Variants in SDHA observed in about 807,000 individuals in gnomAD.
SDHA encodes succinate dehydrogenase [ubiquinone] flavoprotein subunit, mitochondrial.
Under a neutral mutation model 78.4 loss-of-function variants are expected in SDHA, and 48 were observed. That is an observed-to-expected ratio of 0.61 (90% CI 0.49 to 0.78). SDHA has a LOEUF of 0.78. Among genes scored for constraint, SDHA ranks in the 30% least tolerant of loss-of-function variants. SDHA has a pLI of 0.00. For missense variants in SDHA, 680 were observed against 892.7 expected (o/e 0.76, Z 3.04); for synonymous variants, 326 against 353.9 (o/e 0.92, Z 0.88).
intron 11 of SDHA, among the ~76,000 whole-genome samples, chr5:247,908 A>C (rs149617113): frequency 0.015 from 2,333 of 152,362 alleles, 57 homozygotes; most frequent in African/African-American, 0.053. Flanking sequence ...AGTGGAAAGA[A>C]TGAATCTTTC....
At chr5:242,584 C>CTG (rs1049025555) in intron 11 of SDHA, among the ~76,000 whole-genome samples, 4 of 152,196 alleles carry the variant, frequency 2.6e-5, no homozygotes, top group Non-Finnish European at 4.4e-5. Context: ...CACTATATTT[C>CTG]TGTGTGTGTG....
chr5:251,339 A>T lies in SDHA; in HGVS notation c.1665A>T (p.Gly555=). ...DLKHLKTFDR[G]MVWNTDLVET... is the part of the protein sequence containing the mutation. ...TGATGGAACTTTTTGTGTCCCCAGG[A>T]ATGGTCTGGAACACGGACCTGGTGG... The change falls in exon 13 of 15, where the codon GGA becomes GGT. Residue 555 remains glycine, a splice_region_variant and synonymous_variant. Transcript: ENST00000264932. 6.2e-7 allele frequency: 1 copy of T among 1,612,958 alleles called. No homozygotes were observed. Among genetic ancestry groups the T allele is most frequent in the East Asian group, 2.2e-5 (1 of 44,876 alleles).
chr5:238,570 G>A (rs1309591172), intron 10 of SDHA, among the ~76,000 whole-genome samples: 1 of 152,036 alleles, frequency 6.6e-6, no homozygotes, highest in Non-Finnish European at 1.5e-5. Context: ...GGGTCTCCCT[G>A]TGTTGCCCAG....
chr5:238,136 G>A (rs1009597506), intron 10 of SDHA, among the ~76,000 whole-genome samples: 9 of 151,508 alleles, frequency 5.9e-5, no homozygotes, highest in Non-Finnish European at 1.2e-4. Flanking sequence ...GCAGAATGCT[G>A]TGGAGTCAGA....
chr5:226,340 A>G (rs944977588), intron 5 of SDHA, among the ~76,000 whole-genome samples: 14 of 152,212 alleles, frequency 9.2e-5, no homozygotes, highest in Admixed American at 5.9e-4. Context: ...ATACAAGAGC[A>G]GAGCAAGCAG....
chr5:223,882 G>A (rs1239333549), intron 2 of SDHA, among the ~76,000 whole-genome samples: 1 of 152,150 alleles, frequency 6.6e-6, no homozygotes, highest in Non-Finnish European at 1.5e-5. Flanking sequence ...ACTGAAAATA[G>A]GACGGTGGGG....
chr5:233,587 G>A lies in SDHA; in HGVS notation c.1006G>A (p.Asp336Asn). 1 of 1,614,202 alleles carries A rather than the reference G, an allele frequency of 6.2e-7. No homozygotes were observed. Among genetic ancestry groups the A allele is most frequent in the East Asian group, 2.2e-5 (1 of 44,878 alleles). The change falls in exon 8 of 15, where the codon GAC becomes AAC. Residue 336 changes from aspartate to asparagine, a missense_variant. Coordinates refer to ENST00000264932, the MANE Select transcript of SDHA (RefSeq NM_004168.4). ...FMERYAPVAK[D>N]LASRDVVSRS... is the part of the protein sequence containing the mutation. Reference sequence around the variant, plus strand: ...GGAGCGATACGCCCCTGTCGCGAAGGACCTGGCGTCTAGAGATGTGGTGTC... The same window carrying A: ...GGAGCGATACGCCCCTGTCGCGAAGAACCTGGCGTCTAGAGATGTGGTGTC...
At chr5:231,051 A>C in intron 7 of SDHA, 51 bp downstream of exon 7, 2 of 1,607,554 alleles carry the variant, frequency 1.2e-6, no homozygotes, top group Non-Finnish European at 1.7e-6. Context: ...TGTGTCTTGT[A>C]AGCATGTGAT....
chr5:218,681 C>T (rs984566621), intron 1 of SDHA, among the ~76,000 whole-genome samples: 5 of 152,186 alleles, frequency 3.3e-5, no homozygotes, highest in South Asian at 2.1e-4. Flanking sequence ...GGCGTCCCCT[C>T]CGCCGCCTTG....
At chr5:266,878 T>TAAGATATTCAGACCCTCGCC in the SDHA span, among the ~76,000 whole-genome samples, 1 of 94,568 alleles carries the variant, frequency 1.1e-5, no homozygotes, top group African/African-American at 1.0e-4. Context: ...GTGGCCGCTG[T>TAAGATATTCAGACCCTCGCC]GTCTAAAATA....
chr5:244,269 A>T (rs1287003716), intron 11 of SDHA, among the ~76,000 whole-genome samples: 1 of 151,560 alleles, frequency 6.6e-6, no homozygotes, highest in Non-Finnish European at 1.5e-5. Flanking sequence ...TCCCAGCAGG[A>T]GTCTGTGGAC....
chr5:251,582 A>C, intron 13 of SDHA, 114 bp downstream of exon 13: 1 of 1,559,122 alleles, frequency 6.4e-7, no homozygotes, highest in Non-Finnish European at 8.6e-7. Context: ...AAGTAAATCC[A>C]AAAAATGCCT....
intron 7 of SDHA, among the ~76,000 whole-genome samples, chr5:232,311 A>G (rs1465639116): frequency 6.6e-6 from 1 of 152,122 alleles, no homozygotes; most frequent in Non-Finnish European, 1.5e-5. Flanking sequence ...CCCAGGCTCA[A>G]ACGATCCTTC....
chr5:218,903 G>A (rs2126525118), intron 1 of SDHA, among the ~76,000 whole-genome samples: 1 of 152,322 alleles, frequency 6.6e-6, no homozygotes, highest in South Asian at 2.1e-4. Flanking sequence ...GGCGGGGCGG[G>A]TGAGACCGCC....
chr5:236,706 A>G, intron 10 of SDHA, 107 bp downstream of exon 10: 1 of 1,120,304 alleles, frequency 8.9e-7, no homozygotes, highest in Non-Finnish European at 1.3e-6. Flanking sequence ...GTGCAGTGGC[A>G]CAGTCATAGC....
intron 1 of SDHA, among the ~76,000 whole-genome samples, chr5:221,534 C>G (rs954110088): frequency 2.6e-5 from 4 of 152,200 alleles, no homozygotes; most frequent in African/African-American, 7.2e-5. Flanking sequence ...ATGAATGTCT[C>G]TGCACTTCTT....
chr5:259,495 G>A (rs369294753), downstream of SDHA, among the ~76,000 whole-genome samples: 1 of 29,496 alleles, frequency 3.4e-5, no homozygotes, highest in African/African-American at 2.7e-4. Flanking sequence ...TGTGAGCTCC[G>A]CCTCCTGTCA....
At chr5:230,719 C>G (rs1436904913) in intron 6 of SDHA, among the ~76,000 whole-genome samples, 157 bp from the exon 7 acceptor site, 2 of 152,150 alleles carry the variant, frequency 1.3e-5, no homozygotes. Flanking sequence ...GGCGCGGCCC[C>G]TAGTGATATG....
At chr5:233,372 C>T (rs1735534004) in intron 7 of SDHA, 105 bp from the exon 8 acceptor site, 2 of 1,241,978 alleles carry the variant, frequency 1.6e-6, no homozygotes, top group Admixed American at 1.7e-5. Flanking sequence ...ATGCCTTCTG[C>T]TTATCTTTTT....
Sources: allele counts gnomAD v4.1 joint callset (sites outside exome capture counted in the v4.1 genomes callset), GRCh38; gene constraint gnomAD v4.1.1; transcripts MANE v1.5; gene names NCBI Gene and HGNC (gene_info 2026-07-23, HGNC 2026-07-21).